The following CADM2 variants were observed in gnomAD, a reference collection of about 807,000 sequenced individuals.
CADM2 encodes cell adhesion molecule 2.
In CADM2, 12 loss-of-function variants were observed where a neutral mutation model predicts 49.8. That is an observed-to-expected ratio of 0.24 (90% confidence interval 0.15 to 0.39). CADM2 has a LOEUF of 0.39. CADM2 is among the 10% of genes least tolerant of loss of function. The pLI is 1.00. For synonymous variants in CADM2, 214 were observed against 175.4 expected (o/e 1.22, Z -1.74); for missense variants, 378 against 492.3 (o/e 0.77, Z 2.20).
chr3:85,414,752 T>G (rs1253769823), intron 1 of CADM2, among the ~76,000 whole-genome samples: 6 of 152,170 alleles, frequency 3.9e-5, no homozygotes, highest in African/African-American at 1.4e-4. Context: ...TACATTTCCA[T>G]TCAAACTTTA....
At chr3:85,995,575 A>C (rs1435189643) in intron 8 of CADM2, among the ~76,000 whole-genome samples, 1 of 152,206 alleles carries the variant, frequency 6.6e-6, no homozygotes, top group Non-Finnish European at 1.5e-5. Context: ...TTCTAAGTGA[A>C]GAAATGGAAC....
chr3:85,402,305 T>A (rs1173673600), intron 1 of CADM2, among the ~76,000 whole-genome samples: 3 of 151,968 alleles, frequency 2.0e-5, no homozygotes, highest in Non-Finnish European at 4.4e-5. Flanking sequence ...TAGGTAGATT[T>A]TTTTAAATAT....
intron 1 of CADM2, among the ~76,000 whole-genome samples, chr3:85,001,413 A>G (rs1373861588): frequency 6.6e-6 from 1 of 152,066 alleles, no homozygotes; most frequent in Non-Finnish European, 1.5e-5. Flanking sequence ...GTGTTCATGT[A>G]CATATGTATA....
At chr3:85,699,339 C>A (rs1339848591) in intron 1 of CADM2, among the ~76,000 whole-genome samples, 1 of 152,180 alleles carries the variant, frequency 6.6e-6, no homozygotes, top group Non-Finnish European at 1.5e-5. Flanking sequence ...TAGATAGTGC[C>A]ATAATGGGGA....
chr3:85,975,840 A>G (rs560973552), intron 8 of CADM2, among the ~76,000 whole-genome samples: 172 of 151,642 alleles, frequency 1.1e-3, no homozygotes, highest in African/African-American at 4.1e-3. Context: ...TATCATTTCT[A>G]AATTCCAATA....
chr3:85,286,536 TA>T (rs2043637605), intron 1 of CADM2, among the ~76,000 whole-genome samples: 2 of 152,108 alleles, frequency 1.3e-5, no homozygotes, highest in Admixed American at 1.3e-4. Context: ...ATTGGCAATT[TA>T]AGGAACTGCA....
chr3:85,969,155 C>T (rs925424049), intron 8 of CADM2, among the ~76,000 whole-genome samples: 1 of 151,512 alleles, frequency 6.6e-6, no homozygotes, highest in Non-Finnish European at 1.5e-5. Context: ...GTTTTAAATG[C>T]ATATCTCTTC....
chr3:85,630,360 C>G (rs1253082176), intron 1 of CADM2, among the ~76,000 whole-genome samples: 4 of 151,972 alleles, frequency 2.6e-5, no homozygotes, highest in Non-Finnish European at 4.4e-5. Flanking sequence ...TCTCTTACAA[C>G]TGGCACACAG....
intron 1 of CADM2, among the ~76,000 whole-genome samples, chr3:85,322,892 T>G (rs1411741232): frequency 6.6e-6 from 1 of 152,074 alleles, no homozygotes; most frequent in Non-Finnish European, 1.5e-5. Flanking sequence ...AGAAAATAGA[T>G]AAAACCACTT....
In CADM2 at chr3:86,072,605, C is replaced by G. The variant is rs1703346243; in HGVS notation, c.*5822C>G. 6.6e-6 allele frequency: 1 copy of G among 151,984 alleles called. No individual in the cohort carries two copies. The highest frequency in any genetic ancestry group is 2.4e-5 in the African/African-American group (1 of 41,434). The allele number at this position is 151,984 out of a possible 1,614,324, so 9.4% of individuals were successfully genotyped here. On this transcript the variant is annotated 3_prime_UTR_variant, in exon 10 of 10. Coordinates refer to ENST00000383699, the MANE Select transcript of CADM2 (RefSeq NM_001167675.2). ...CTTTTAAGTGCGGTATGAAATGCAA[C>G]ATTACGCTTACAAACAGTACTGTCA...
intron 1 of CADM2, among the ~76,000 whole-genome samples, chr3:85,489,006 T>A (rs2039550299): frequency 6.6e-6 from 1 of 152,114 alleles, no homozygotes; most frequent in Non-Finnish European, 1.5e-5. Flanking sequence ...TGTATATTTA[T>A]TTATATATTT....
Position 86,035,368 on chromosome 3 carries a change from C to A in CADM2, c.971-30237C>A, listed in dbSNP as rs867295488. ...TATTTCTTGATCTTTGTAGGCTGAC[C>A]TAGATGTTTGTTCTACTGCTTCTGT... On this transcript the variant is annotated intron_variant, in intron 8 of 9. Transcript: ENST00000383699. Among the ~76,000 whole-genome samples, 5 of 151,880 alleles carry A rather than the reference C, an allele frequency of 3.3e-5. No homozygotes were observed. In the South Asian group the frequency reaches 8.3e-4, roughly 25 times the overall value.
chr3:85,654,904 G>A (rs2065150614), intron 1 of CADM2, among the ~76,000 whole-genome samples: 2 of 152,224 alleles, frequency 1.3e-5, no homozygotes, highest in South Asian at 4.1e-4. Context: ...AGTGATAAAT[G>A]AAAGATAATC....
chr3:85,569,564 C>T (rs1434318611), intron 1 of CADM2, among the ~76,000 whole-genome samples: 1 of 152,108 alleles, frequency 6.6e-6, no homozygotes, highest in Non-Finnish European at 1.5e-5. Context: ...CCTGTCCCCA[C>T]ATCTTTGCCA....
chr3:85,996,539 T>C (rs1729443777), intron 8 of CADM2, among the ~76,000 whole-genome samples: 1 of 152,094 alleles, frequency 6.6e-6, no homozygotes, highest in African/African-American at 2.4e-5. Flanking sequence ...ACAGTTAATT[T>C]AGAAAATCAA....
At chr3:85,292,842 G>T (rs1188110112) in intron 1 of CADM2, among the ~76,000 whole-genome samples, 1 of 152,134 alleles carries the variant, frequency 6.6e-6, no homozygotes, top group African/African-American at 2.4e-5. Flanking sequence ...AAGCAGGAAA[G>T]ATCCAAAACT....
intron 1 of CADM2, among the ~76,000 whole-genome samples, chr3:85,527,402 A>C (rs546923527): frequency 3.3e-5 from 5 of 151,162 alleles, no homozygotes; most frequent in African/African-American, 1.2e-4. Flanking sequence ...TCCAAAACAA[A>C]GAAAGAAAAA....
At chr3:85,581,494 G>T (rs1414193797) in intron 1 of CADM2, among the ~76,000 whole-genome samples, 2 of 150,874 alleles carry the variant, frequency 1.3e-5, no homozygotes, top group Admixed American at 6.6e-5. Flanking sequence ...AGAATAAAAT[G>T]ATCTATGAGG....
chr3:85,940,287 C>T (rs533411824), intron 7 of CADM2, among the ~76,000 whole-genome samples: 31 of 151,486 alleles, frequency 2.0e-4, no homozygotes, highest in Non-Finnish European at 3.5e-4. Context: ...TGCAGTGAGC[C>T]GAGATCACGC....
Sources: allele counts gnomAD v4.1 joint callset (sites outside exome capture counted in the v4.1 genomes callset), GRCh38; gene constraint gnomAD v4.1.1; transcripts MANE v1.5; gene names NCBI Gene and HGNC (gene_info 2026-07-23, HGNC 2026-07-21).